NXPH1: variants seen among roughly 807,000 people sequenced by gnomAD.
NXPH1 encodes neurexophilin-1.
A neutral mutation model predicts 23.7 loss-of-function variants in NXPH1; 5 were observed. That is an observed-to-expected ratio of 0.21 (90% CI 0.11 to 0.44). The LOEUF (loss-of-function observed/expected upper bound fraction) is 0.44. Ranked by LOEUF, NXPH1 falls within the 20% of genes least tolerant of loss-of-function variation. The pLI, the probability that NXPH1 is intolerant of heterozygous loss-of-function variation, is 0.99. For synonymous variants in NXPH1, 144 were observed against 122.2 expected, an observed-to-expected ratio of 1.18 and a Z score of -1.18; for missense variants, 324 against 321.6, an observed-to-expected ratio of 1.01 and a Z score of -0.06.
chr7:8,450,052 G>T (rs962673362), intron 2 of NXPH1, among the ~76,000 whole-genome samples: 10 of 152,182 alleles, frequency 6.6e-5, no homozygotes, highest in African/African-American at 2.4e-4. Context: ...GGTAAGAAGC[G>T]AGACTGGGAC....
intron 2 of NXPH1, among the ~76,000 whole-genome samples, chr7:8,454,749 G>A (rs997428812): frequency 3.3e-5 from 5 of 151,960 alleles, no homozygotes; most frequent in African/African-American, 1.2e-4. Flanking sequence ...CCAGCAATCA[G>A]TGCTCAATGG....
intron 2 of NXPH1, among the ~76,000 whole-genome samples, chr7:8,660,182 A>G (rs779641697): frequency 1.1e-4 from 17 of 152,196 alleles, no homozygotes; most frequent in Non-Finnish European, 2.1e-4. Flanking sequence ...TTTCGTTTTA[A>G]TTCTTAAAAT....
At chr7:8,656,774 ATGAG>A (rs1820589802) in intron 2 of NXPH1, among the ~76,000 whole-genome samples, 1 of 150,402 alleles carries the variant, frequency 6.6e-6, no homozygotes, top group Non-Finnish European at 1.5e-5. Flanking sequence ...ATTCCCACCT[ATGAG>A]TGAGAATATG....
chr7:8,443,610 T>C (rs1327723991), intron 2 of NXPH1, among the ~76,000 whole-genome samples: 1 of 152,158 alleles, frequency 6.6e-6, no homozygotes, highest in African/African-American at 2.4e-5. Flanking sequence ...TATTATGAAT[T>C]TCTAAAGGCG....
chr7:8,602,105 T>A (rs568387744), intron 2 of NXPH1, among the ~76,000 whole-genome samples: 2 of 152,358 alleles, frequency 1.3e-5, no homozygotes, highest in South Asian at 4.1e-4. Flanking sequence ...ACACCAGTCA[T>A]GTTCATTGTA....
chr7:8,490,780 G>A (rs1313923454), intron 2 of NXPH1, among the ~76,000 whole-genome samples: 1 of 152,026 alleles, frequency 6.6e-6, no homozygotes, highest in Non-Finnish European at 1.5e-5. Context: ...TGATTCTAAA[G>A]CTTGATATCC....
chr7:8,451,108 A>G (rs1431636117), intron 2 of NXPH1, among the ~76,000 whole-genome samples: 2 of 105,208 alleles, frequency 1.9e-5, no homozygotes, highest in African/African-American at 4.9e-5. Flanking sequence ...TGAGGGATCT[A>G]GCTTTTTTTT....
At chr7:8,629,976 T>A (rs1820091565) in intron 2 of NXPH1, among the ~76,000 whole-genome samples, 2 of 152,148 alleles carry the variant, frequency 1.3e-5, no homozygotes, top group Non-Finnish European at 2.9e-5. Context: ...ATCTCTTGAT[T>A]TGGTTGTACT....
At chr7:8,461,836 CAA>C (rs748848772) in intron 2 of NXPH1, among the ~76,000 whole-genome samples, 9 of 41,730 alleles carry the variant, frequency 2.2e-4, no homozygotes, top group Admixed American at 2.5e-4. Context: ...GACTCCGTCT[CAA>C]AAAAAAAAAA....
intron 2 of NXPH1, among the ~76,000 whole-genome samples, chr7:8,743,475 A>G (rs1448136049): frequency 6.6e-6 from 1 of 152,168 alleles, no homozygotes; most frequent in African/African-American, 2.4e-5. Context: ...ACGTACAGCC[A>G]GAATAGTTGA....
At chr7:8,492,327 AT>A (rs1340399799) in intron 2 of NXPH1, among the ~76,000 whole-genome samples, 37 of 152,168 alleles carry the variant, frequency 2.4e-4, no homozygotes, top group African/African-American at 8.9e-4. Flanking sequence ...TGAATACTAA[AT>A]TTGGAGTCAG....
Position 8,735,923 on chromosome 7 carries a change from A to G in NXPH1, c.55-15085A>G, listed in dbSNP as rs547400586. Among the ~76,000 whole-genome samples the G allele has an allele frequency of 7.2e-5, 11 of 152,258 alleles. No homozygotes were observed. The East Asian group carries it at 2.1e-3, about 29-fold the overall frequency. On this transcript the variant is annotated intron_variant, in intron 2 of 2. Transcript: ENST00000405863. ...TCTAGATCTTCTAGTTTATTTGCAT[A>G]GAGTTGTTTATAGTATTCTCTAATA...
intron 2 of NXPH1, among the ~76,000 whole-genome samples, chr7:8,656,681 T>C (rs1820588414): frequency 3.3e-5 from 5 of 151,980 alleles, no homozygotes; most frequent in African/African-American, 9.7e-5. Context: ...CTCCCAATGC[T>C]ATCCCTCCCC....
chr7:8,486,798 T>C (rs1261276776), intron 2 of NXPH1, among the ~76,000 whole-genome samples: 1 of 152,178 alleles, frequency 6.6e-6, no homozygotes, highest in Non-Finnish European at 1.5e-5. Context: ...TGGATAGGTC[T>C]CTTCTCATTA....
chr7:8,440,232 G>A (rs1816274677), intron 2 of NXPH1, among the ~76,000 whole-genome samples: 1 of 152,218 alleles, frequency 6.6e-6, no homozygotes, highest in African/African-American at 2.4e-5. Flanking sequence ...TCCCTGAAAT[G>A]TTCAACTTTC....
At chr7:8,464,406 A>G (rs1288565572) in intron 2 of NXPH1, among the ~76,000 whole-genome samples, 1 of 152,196 alleles carries the variant, frequency 6.6e-6, no homozygotes, top group African/African-American at 2.4e-5. Context: ...GTTAAAGTCC[A>G]AACTCCTGAG....
intron 2 of NXPH1, among the ~76,000 whole-genome samples, chr7:8,457,730 T>C (rs1266040005): frequency 6.6e-6 from 1 of 152,118 alleles, no homozygotes; most frequent in Non-Finnish European, 1.5e-5. Context: ...ATTTGCATAC[T>C]TATCCCTTGC....
chr7:8,719,299 T>A (rs1461196235), intron 2 of NXPH1, among the ~76,000 whole-genome samples: 1 of 152,164 alleles, frequency 6.6e-6, no homozygotes. Context: ...TATTGCTTCA[T>A]GGTTCAGTGC....
chr7:8,505,781 A>G (rs188154246), intron 2 of NXPH1, among the ~76,000 whole-genome samples: 2 of 152,232 alleles, frequency 1.3e-5, no homozygotes, highest in African/African-American at 2.4e-5. Context: ...CTCAATTACT[A>G]GAAGTGTCAT....
Sources: gnomAD v4.1 joint callset for allele counts (sites outside exome capture counted in the v4.1 genomes callset) on GRCh38, gnomAD v4.1.1 for gene constraint, MANE v1.5 for transcripts, NCBI Gene and HGNC (gene_info 2026-07-23, HGNC 2026-07-21) for gene names.